The following SEC24B variants were observed in gnomAD, a reference collection of about 807,000 sequenced individuals.
The protein encoded by SEC24B is SEC24 homolog B, COPII component.
SEC24B carries 45 observed loss-of-function variants against 142.8 expected under a neutral mutation model. The observed-to-expected ratio is 0.32, with a 90% CI of 0.25 to 0.40. The LOEUF (loss-of-function observed/expected upper bound fraction) is 0.40, where lower values mean the gene tolerates loss of function less well. SEC24B is among the 10% of genes least tolerant of loss of function. The probability of loss-of-function intolerance (pLI) is 1.00; values close to 1 mark genes in which losing one functional copy is unlikely to be tolerated. For synonymous variants in SEC24B, 574 were observed against 568.2 expected (o/e 1.01, Z -0.15); for missense variants, 1,409 against 1,526.8 (o/e 0.92, Z 1.29).
chr4:109,531,060 C>G (rs1179034681), intron 19 of SEC24B, among the ~76,000 whole-genome samples: 2 of 152,136 alleles, frequency 1.3e-5, no homozygotes, highest in African/African-American at 4.8e-5. Flanking sequence ...TGGAAAGAGA[C>G]TCTTTAAGGA....
intron 3 of SEC24B, among the ~76,000 whole-genome samples, chr4:109,475,598 C>T (rs1733027313): frequency 6.6e-6 from 1 of 151,902 alleles, no homozygotes; most frequent in Non-Finnish European, 1.5e-5. Flanking sequence ...TAAAATTTTT[C>T]ATCAAAAATT....
chr4:109,510,479 A>G (rs1375105251), intron 8 of SEC24B, among the ~76,000 whole-genome samples: 3 of 152,198 alleles, frequency 2.0e-5, no homozygotes, highest in Non-Finnish European at 2.9e-5. Flanking sequence ...TACAATAGCA[A>G]AAGTTTTCTA....
At chr4:109,524,992 A>G in intron 15 of SEC24B, 51 bp downstream of exon 15, 4 of 1,501,658 alleles carry the variant, frequency 2.7e-6, no homozygotes, top group Non-Finnish European at 3.6e-6. Context: ...TTTTTAATGC[A>G]TAATTAAATC....
intron 8 of SEC24B, among the ~76,000 whole-genome samples, chr4:109,511,152 G>A (rs1737279477): frequency 1.3e-5 from 2 of 151,482 alleles, no homozygotes; most frequent in South Asian, 2.1e-4. Flanking sequence ...ATATGAGAGA[G>A]TTTTTCTCTA....
At chr4:109,459,157 G>A (rs916878081) in intron 1 of SEC24B, among the ~76,000 whole-genome samples, 1 of 152,136 alleles carries the variant, frequency 6.6e-6, no homozygotes, top group Non-Finnish European at 1.5e-5. Flanking sequence ...ATATTTGGAG[G>A]CCATAGAGCT....
intron 1 of SEC24B, chr4:109,449,497 G>A (rs1346082577): frequency 2.2e-6 from 1 of 453,314 alleles, no homozygotes; most frequent in South Asian, 1.6e-5. Flanking sequence ...CTCCCAAATT[G>A]CTGGGAGTAC....
At position 109,538,510 on chromosome 4, in the gene SEC24B, A is replaced by G. The variant is rs757873443; in HGVS notation, c.3606A>G (p.Leu1202=). The part of the protein sequence containing the change: ...IPQKMTHLPE[L]DTLSSERARS... ...TTTACCAGACACATCTTCCAGAGCTAGATACACTTTCATCAGAAAGAGCCA... is the reference window on the plus strand; with the variant it reads ...TTTACCAGACACATCTTCCAGAGCTGGATACACTTTCATCAGAAAGAGCCA... The change falls in exon 23 of 24, where the codon CTA becomes CTG. Residue 1202 remains leucine, a synonymous_variant. Coordinates refer to ENST00000265175, the MANE Select transcript of SEC24B (RefSeq NM_006323.5). 2.5e-6 allele frequency: 4 copies of G among 1,611,690 alleles called. No homozygotes were observed. In the East Asian group the frequency reaches 6.7e-5, roughly 27 times the overall value.
intron 5 of SEC24B, among the ~76,000 whole-genome samples, chr4:109,491,959 A>G (rs1183577296): frequency 2.0e-5 from 3 of 152,108 alleles, no homozygotes; most frequent in Non-Finnish European, 2.9e-5. Context: ...ATTTTAATAT[A>G]CTGTGATTTT....
intron 4 of SEC24B, among the ~76,000 whole-genome samples, chr4:109,490,028 A>G (rs766532576): frequency 6.4e-4 from 97 of 152,084 alleles, no homozygotes; most frequent in Non-Finnish European, 7.2e-4. Flanking sequence ...TCTTCTACCT[A>G]TTACTTATTT....
At chr4:109,491,287 G>T in intron 4 of SEC24B, 40 bp from the exon 5 acceptor site, 1 of 1,491,774 alleles carries the variant, frequency 6.7e-7, no homozygotes. Flanking sequence ...AAGATACTTT[G>T]TCATTTTAAA....
chr4:109,527,989 G>T (rs192559379), intron 18 of SEC24B, among the ~76,000 whole-genome samples: 70 of 152,112 alleles, frequency 4.6e-4, no homozygotes, highest in African/African-American at 1.7e-3. Context: ...ACAATCCATG[G>T]TACACTCATA....
chr4:109,437,025 A>G (rs1322659866), intron 1 of SEC24B, among the ~76,000 whole-genome samples: 1 of 152,212 alleles, frequency 6.6e-6, no homozygotes, highest in Non-Finnish European at 1.5e-5. Flanking sequence ...CCAGTTTGTA[A>G]CTGGTTCCTC....
At chr4:109,455,919 A>C (rs1730619512) in intron 1 of SEC24B, among the ~76,000 whole-genome samples, 1 of 152,224 alleles carries the variant, frequency 6.6e-6, no homozygotes, top group African/African-American at 2.4e-5. Context: ...CTACAAAAAA[A>C]ACCTGCTGGT....
rs745540104 is a variant in SEC24B at position 109,506,351 on chromosome 4, A to C, written c.1512A>C (p.Leu504=). The change falls in exon 7 of 24, where the codon CTA becomes CTC. Residue 504 remains leucine, a synonymous_variant. Transcript: ENST00000265175. ...AGCAGTATCCTGGTGTGAACCAGCT[A>C]TCCTCCAGTATAGGAGGATTGAGTC... ...YPQQYPGVNQ[L]SSSIGGLSLQ... 3 of 1,575,604 alleles carry C rather than the reference A, an allele frequency of 1.9e-6. No individual in the cohort carries two copies. The highest frequency in any genetic ancestry group is 1.7e-6 in the Non-Finnish European group (2 of 1,163,760).
In SEC24B at chr4:109,507,566, G is replaced by A. The variant is rs148107768; in HGVS notation, c.1673+1054G>A. On this transcript the variant is annotated intron_variant, in intron 7 of 23. Transcript: ENST00000265175. ...TGGGATTATAGGTGTGATCCACCGC[G>A]CTTGGCCAACATTGTCTTCTTCCTT... 1.9e-3 allele frequency among the ~76,000 whole-genome samples: 286 copies of A among 152,174 alleles called. 2 individuals are homozygous for A. The highest frequency in any genetic ancestry group is 6.2e-3 in the African/African-American group (258 of 41,508).
At chr4:109,475,354 G>T (rs1240833777) in intron 3 of SEC24B, among the ~76,000 whole-genome samples, 1 of 152,218 alleles carries the variant, frequency 6.6e-6, no homozygotes, top group Non-Finnish European at 1.5e-5. Flanking sequence ...TTCGAATTGT[G>T]CAGTGTATCA....
intron 12 of SEC24B, 28 bp downstream of exon 12, chr4:109,520,512 T>C (rs1194119756): frequency 7.4e-7 from 1 of 1,355,456 alleles, no homozygotes; most frequent in East Asian, 2.3e-5. Context: ...TAAAAGCCTT[T>C]CTAACTACGG....
At chr4:109,484,837 G>A (rs964355426) in intron 4 of SEC24B, among the ~76,000 whole-genome samples, 1 of 143,028 alleles carries the variant, frequency 7.0e-6, no homozygotes, top group African/African-American at 2.7e-5. Context: ...GGGTGGCAGA[G>A]TGAGACTCTG....
At chr4:109,474,573 C>T (rs895642648) in intron 3 of SEC24B, among the ~76,000 whole-genome samples, 2 of 151,872 alleles carry the variant, frequency 1.3e-5, no homozygotes, top group Admixed American at 6.6e-5. Flanking sequence ...TACAGGCGCA[C>T]GCCACCTCGC....
Sources: allele counts gnomAD v4.1 joint callset (sites outside exome capture counted in the v4.1 genomes callset), GRCh38; gene constraint gnomAD v4.1.1; transcripts MANE v1.5; gene names NCBI Gene and HGNC (gene_info 2026-07-23, HGNC 2026-07-21).